CTNNA3: variants seen among roughly 807,000 people sequenced by gnomAD.
CTNNA3 encodes catenin alpha-3.
CTNNA3 carries 76 observed loss-of-function variants against 95.7 expected under a neutral mutation model. That is an observed-to-expected ratio of 0.79 (90% CI 0.66 to 0.96). The LOEUF is 0.96. Ranked by LOEUF, CTNNA3 falls within the 40% of genes least tolerant of loss-of-function variation. CTNNA3 has a pLI of 0.00. For synonymous variants in CTNNA3, 431 were observed against 374.4 expected (o/e 1.15, Z -1.74); for missense variants, 1,191 against 1,089.8 (o/e 1.09, Z -1.31).
chr10:66,904,655 T>G (rs918598776), intron 7 of CTNNA3, among the ~76,000 whole-genome samples: 4 of 151,844 alleles, frequency 2.6e-5, no homozygotes, highest in Non-Finnish European at 5.9e-5. Context: ...TACAAAGAGC[T>G]CAAACAAATT....
chr10:67,262,371 C>T (rs1195869918), intron 5 of CTNNA3, among the ~76,000 whole-genome samples: 2 of 152,108 alleles, frequency 1.3e-5, no homozygotes, highest in Non-Finnish European at 2.9e-5. Context: ...AGAACATCCA[C>T]GCAAGAGGAT....
chr10:67,080,363 A>G (rs1856985178), intron 7 of CTNNA3, among the ~76,000 whole-genome samples: 1 of 152,332 alleles, frequency 6.6e-6, no homozygotes, highest in South Asian at 2.1e-4. Flanking sequence ...AAACTACCGA[A>G]GTATGGGACA....
At chr10:66,216,257 G>A (rs770873123) in intron 13 of CTNNA3, among the ~76,000 whole-genome samples, 3 of 152,212 alleles carry the variant, frequency 2.0e-5, no homozygotes, top group Non-Finnish European at 2.9e-5. Context: ...TGGTTATGCG[G>A]GAAGAGACAA....
chr10:67,692,906 C>A (rs182097203), intron 1 of CTNNA3, among the ~76,000 whole-genome samples: 37 of 152,254 alleles, frequency 2.4e-4, no homozygotes, highest in African/African-American at 8.4e-4. Flanking sequence ...TGTTCAAGTT[C>A]CAGTATTTGA....
intron 5 of CTNNA3, among the ~76,000 whole-genome samples, chr10:67,304,616 TAAAAG>T (rs1018106574): frequency 4.9e-4 from 75 of 152,218 alleles, no homozygotes; most frequent in African/African-American, 1.7e-3. Context: ...CTAAATAAAA[TAAAAG>T]GTGTATCTTT....
intron 1 of CTNNA3, among the ~76,000 whole-genome samples, chr10:67,714,728 A>T (rs1305402370): frequency 6.6e-6 from 1 of 152,186 alleles, no homozygotes; most frequent in Admixed American, 6.5e-5. Context: ...CTGTGTCCCC[A>T]CCCAAATCTC....
intron 13 of CTNNA3, among the ~76,000 whole-genome samples, chr10:66,143,674 G>C (rs2083727140): frequency 6.6e-6 from 1 of 152,152 alleles, no homozygotes; most frequent in South Asian, 2.1e-4. Context: ...TGTAGAAGAA[G>C]TTCTGAGGAT....
intron 7 of CTNNA3, among the ~76,000 whole-genome samples, chr10:66,978,455 A>AGGCG (rs1850191279): frequency 7.3e-6 from 1 of 136,624 alleles, no homozygotes. Flanking sequence ...TTAACCTGGG[A>AGGCG]GGCGGAGGTT....
chr10:67,264,131 GA>G (rs1866724054), intron 5 of CTNNA3, among the ~76,000 whole-genome samples: 1 of 152,054 alleles, frequency 6.6e-6, no homozygotes, highest in African/African-American at 2.4e-5. Flanking sequence ...AAGGACACAT[GA>G]TGGGTTAGGG....
At chr10:67,609,243 A>C (rs1406022917) in intron 2 of CTNNA3, among the ~76,000 whole-genome samples, 1 of 152,180 alleles carries the variant, frequency 6.6e-6, no homozygotes, top group Non-Finnish European at 1.5e-5. Flanking sequence ...AATATTTAAA[A>C]TAGAAGACCT....
intron 3 of CTNNA3, among the ~76,000 whole-genome samples, chr10:67,572,132 A>G (rs1453376189): frequency 5.3e-5 from 8 of 152,220 alleles, no homozygotes; most frequent in Admixed American, 5.2e-4. Context: ...TGTTGGATTA[A>G]TCAAAATACA....
intron 11 of CTNNA3, among the ~76,000 whole-genome samples, chr10:66,494,692 A>G (rs2131946475): frequency 6.6e-6 from 1 of 152,312 alleles, no homozygotes; most frequent in East Asian, 1.9e-4. Flanking sequence ...AGGAAATGTA[A>G]TGACTCTACA....
At chr10:67,224,817 G>A (rs1864819057) in intron 5 of CTNNA3, among the ~76,000 whole-genome samples, 1 of 152,154 alleles carries the variant, frequency 6.6e-6, no homozygotes, top group Non-Finnish European at 1.5e-5. Context: ...AGCACCACAG[G>A]GAGAAGGAAA....
At position 65,963,473 on chromosome 10, in the gene CTNNA3, T is replaced by A. The variant is rs546015720; in HGVS notation, c.2400+3139A>T. The stretch of plus-strand genomic sequence containing the variant: ...AAGGCCCAAAACAGGTTTGCGCCAC[T>A]TATGAAGCTTTCTCTTGCCTGCTCT... On this transcript the variant is annotated intron_variant, in intron 17 of 17. Transcript: ENST00000433211. Among the ~76,000 whole-genome samples, 21 of 152,386 alleles carry A rather than the reference T, an allele frequency of 1.4e-4. No individual in the cohort carries two copies. The South Asian group carries it at 4.3e-3, about 32-fold the overall frequency.
chr10:66,210,742 C>A (rs2088095779), intron 13 of CTNNA3, among the ~76,000 whole-genome samples: 1 of 151,948 alleles, frequency 6.6e-6, no homozygotes, highest in Non-Finnish European at 1.5e-5. Context: ...CGATGCTAAG[C>A]AAATGGAGTA....
chr10:66,758,539 G>C (rs1839468288), intron 9 of CTNNA3, among the ~76,000 whole-genome samples: 1 of 152,170 alleles, frequency 6.6e-6, no homozygotes, highest in South Asian at 2.1e-4. Context: ...CTAGTTGTCA[G>C]TTAGCATGTT....
intron 7 of CTNNA3, among the ~76,000 whole-genome samples, chr10:67,052,234 C>T (rs1012938304): frequency 3.3e-5 from 5 of 152,084 alleles, no homozygotes; most frequent in African/African-American, 9.7e-5. Flanking sequence ...AAAATTCTGA[C>T]TGCAAAGCAC....
chr10:66,192,276 C>T (rs548861675), intron 13 of CTNNA3, among the ~76,000 whole-genome samples: 1 of 152,048 alleles, frequency 6.6e-6, no homozygotes, highest in South Asian at 2.1e-4. Flanking sequence ...AAATTTACTC[C>T]CAAGAATTAA....
At chr10:67,658,302 T>A in intron 1 of CTNNA3, among the ~76,000 whole-genome samples, 1 of 152,188 alleles carries the variant, frequency 6.6e-6, no homozygotes, top group African/African-American at 2.4e-5. Flanking sequence ...CTATATAAAA[T>A]CCATTAACTT....
Sources: allele counts gnomAD v4.1 joint callset (sites outside exome capture counted in the v4.1 genomes callset), GRCh38; gene constraint gnomAD v4.1.1; transcripts MANE v1.5; gene names NCBI Gene and HGNC (gene_info 2026-07-23, HGNC 2026-07-21).